KCNQ3: variants seen among roughly 807,000 people sequenced by gnomAD.
KCNQ3 encodes potassium voltage-gated channel subfamily KQT member 3.
In KCNQ3, 30 loss-of-function variants were observed where a neutral mutation model predicts 92.5. The ratio of observed to expected loss-of-function variants is 0.32; its 90% CI spans 0.24 to 0.44. The LOEUF is 0.44. Ranked by LOEUF, KCNQ3 falls within the 20% of genes least tolerant of loss-of-function variation. KCNQ3 has a pLI of 1.00. For missense variants in KCNQ3, 913 were observed against 1,140.3 expected (o/e 0.80, Z 2.87); for synonymous variants, 450 against 468.8 (o/e 0.96, Z 0.52).
intron 1 of KCNQ3, among the ~76,000 whole-genome samples, chr8:132,199,502 T>C (rs967708477): frequency 1.3e-5 from 2 of 152,270 alleles, no homozygotes; most frequent in Admixed American, 6.5e-5. Flanking sequence ...GTTCTTGTTT[T>C]CAATAGGCTC....
intron 1 of KCNQ3, among the ~76,000 whole-genome samples, chr8:132,451,982 G>A (rs1307475248): frequency 6.6e-6 from 1 of 152,092 alleles, no homozygotes; most frequent in Non-Finnish European, 1.5e-5. Context: ...TGGAGTTGGA[G>A]GGCACCTTTA....
chr8:132,172,133 G>C (rs1012310843), intron 7 of KCNQ3, among the ~76,000 whole-genome samples: 2 of 152,002 alleles, frequency 1.3e-5, no homozygotes, highest in African/African-American at 4.8e-5. Context: ...GCTGCAGTGA[G>C]CTATGATCGC....
At chr8:132,430,069 C>G (rs1177589090) in intron 1 of KCNQ3, among the ~76,000 whole-genome samples, 1 of 152,108 alleles carries the variant, frequency 6.6e-6, no homozygotes, top group Non-Finnish European at 1.5e-5. Context: ...AGGGGTTGCC[C>G]TTTCCCTGAG....
At chr8:132,323,962 T>C (rs1278415461) in intron 1 of KCNQ3, among the ~76,000 whole-genome samples, 1 of 152,188 alleles carries the variant, frequency 6.6e-6, no homozygotes, top group African/African-American at 2.4e-5. Context: ...TGACGATCTC[T>C]TCAGCCTCCT....
rs1242546643 is a variant in KCNQ3 at position 132,159,373 on chromosome 8, G to A, written c.1262+4095C>T. Among the ~76,000 whole-genome samples, 5 of 152,240 alleles carry A rather than the reference G, an allele frequency of 3.3e-5. No homozygotes were observed. In the East Asian group the frequency reaches 9.7e-4, roughly 29 times the overall value. On this transcript the variant is annotated intron_variant, in intron 9 of 14. Coordinates refer to ENST00000388996, the MANE Select transcript of KCNQ3 (RefSeq NM_004519.4). Reference sequence around the variant, plus strand: ...ACTTCAATCATGTGACTCTAATGGGGGTTGCTAAGTATAGTATCTTACACC... The same window carrying A: ...ACTTCAATCATGTGACTCTAATGGGAGTTGCTAAGTATAGTATCTTACACC...
At position 132,172,650 on chromosome 8, in the gene KCNQ3, T is replaced by TTTCTCAA; in HGVS notation, c.1087_1088insTTGAGAA (p.His363LeufsTer9). 1 of 1,614,022 alleles carries TTTCTCAA rather than the reference T, an allele frequency of 6.2e-7. No individual in the cohort carries two copies. The highest frequency in any genetic ancestry group is 8.5e-7 in the Non-Finnish European group (1 of 1,180,022). On this transcript the variant is annotated frameshift_variant, in exon 7 of 15. Transcript: ENST00000388996. LOFTEE classifies it high-confidence loss of function. ...CCTTTTCTCAAAGTGCTTCTGACGG[T>TTTCTCAA]GTTGCTCCTGCACCTTGAGGGCCAG...
At chr8:132,394,632 C>T (rs1199127477) in intron 1 of KCNQ3, among the ~76,000 whole-genome samples, 1 of 152,018 alleles carries the variant, frequency 6.6e-6, no homozygotes, top group African/African-American at 2.4e-5. Context: ...GTACCCTACC[C>T]TACTTAACAC....
chr8:132,268,736 G>C (rs1816064195), intron 1 of KCNQ3, among the ~76,000 whole-genome samples: 1 of 152,118 alleles, frequency 6.6e-6, no homozygotes, highest in African/African-American at 2.4e-5. Context: ...AGCTTCCTTG[G>C]GTAAATACTG....
chr8:132,414,371 A>C (rs2597334), intron 1 of KCNQ3, among the ~76,000 whole-genome samples: 25,906 of 152,006 alleles, frequency 0.17, 2,494 homozygotes, highest in East Asian at 0.32. Context: ...CCTCCCCTCA[A>C]CCCCACTAGA....
chr8:132,250,184 AG>A (rs1323585846), intron 1 of KCNQ3, among the ~76,000 whole-genome samples: 5 of 152,304 alleles, frequency 3.3e-5, no homozygotes, highest in Non-Finnish European at 5.9e-5. Context: ...AGCGCGAGCG[AG>A]GGTCACCAGC....
intron 1 of KCNQ3, among the ~76,000 whole-genome samples, chr8:132,368,482 G>A (rs1203155964): frequency 2.0e-5 from 3 of 152,050 alleles, no homozygotes; most frequent in Admixed American, 6.6e-5. Flanking sequence ...GGAAGACCCT[G>A]TCTCAACAAA....
At chr8:132,354,078 C>T (rs941170719) in intron 1 of KCNQ3, among the ~76,000 whole-genome samples, 6 of 152,168 alleles carry the variant, frequency 3.9e-5, no homozygotes, top group African/African-American at 1.4e-4. Context: ...GCTTGAATAG[C>T]GAACCTTCTG....
chr8:132,244,737 T>C (rs1586859822), intron 1 of KCNQ3, among the ~76,000 whole-genome samples: 2 of 152,190 alleles, frequency 1.3e-5, no homozygotes, highest in African/African-American at 4.8e-5. Flanking sequence ...AATGAGCTGA[T>C]GTCCTCTCTG....
chr8:132,229,260 CAAAA>C (rs377431481), intron 1 of KCNQ3, among the ~76,000 whole-genome samples: 1 of 118,888 alleles, frequency 8.4e-6, no homozygotes. Flanking sequence ...GACTCCGTCT[CAAAA>C]AAAAAAAAAA....
intron 1 of KCNQ3, among the ~76,000 whole-genome samples, chr8:132,267,630 A>G (rs141698050): frequency 1.3e-5 from 2 of 152,192 alleles, no homozygotes; most frequent in Non-Finnish European, 2.9e-5. Context: ...CTCTTACTAC[A>G]GTCTGCATCT....
At chr8:132,447,670 G>A (rs1232299773) in intron 1 of KCNQ3, among the ~76,000 whole-genome samples, 1 of 152,198 alleles carries the variant, frequency 6.6e-6, no homozygotes, top group Non-Finnish European at 1.5e-5. Context: ...ACAGCGCCAC[G>A]AGCGCATGAT....
chr8:132,293,345 C>T (rs2130560957), intron 1 of KCNQ3, among the ~76,000 whole-genome samples: 1 of 152,134 alleles, frequency 6.6e-6, no homozygotes, highest in Admixed American at 6.5e-5. Context: ...GAGGACTGAG[C>T]CCCCAACCTA....
intron 1 of KCNQ3, among the ~76,000 whole-genome samples, chr8:132,398,295 G>A (rs1820245923): frequency 6.6e-6 from 1 of 151,940 alleles, no homozygotes; most frequent in African/African-American, 2.4e-5. Flanking sequence ...TTTTTTCTGT[G>A]TGATATAGTC....
At chr8:132,372,281 G>A (rs1376097793) in intron 1 of KCNQ3, among the ~76,000 whole-genome samples, 1 of 152,152 alleles carries the variant, frequency 6.6e-6, no homozygotes, top group Non-Finnish European at 1.5e-5. Flanking sequence ...CAAGGCTGCA[G>A]CTTCATGGAT....
Sources: gnomAD v4.1 joint callset for allele counts (sites outside exome capture counted in the v4.1 genomes callset) on GRCh38, gnomAD v4.1.1 for gene constraint, MANE v1.5 for transcripts, NCBI Gene and HGNC (gene_info 2026-07-23, HGNC 2026-07-21) for gene names.